Variants in LRRC20 observed in about 807,000 individuals in gnomAD.
LRRC20 encodes the protein leucine rich repeat containing 20, also known as leucine-rich repeat-containing protein 20.
A neutral mutation model predicts 14.4 loss-of-function variants in LRRC20; 11 were observed. That is an observed-to-expected ratio of 0.77 (90% CI 0.48 to 1.27). LRRC20 has a LOEUF of 1.27. Ranked by LOEUF, LRRC20 falls within the 50% of genes most tolerant of loss-of-function variation. The pLI, the probability that LRRC20 is intolerant of heterozygous loss-of-function variation, is 0.00. For missense variants in LRRC20, 219 were observed against 251.2 expected, an observed-to-expected ratio of 0.87 and a Z score of 0.87; for synonymous variants, 121 against 107.3, an observed-to-expected ratio of 1.13 and a Z score of -0.79.
At chr10:70,369,034 T>G (rs1391121554) in intron 2 of LRRC20, among the ~76,000 whole-genome samples, 2 of 152,228 alleles carry the variant, frequency 1.3e-5, no homozygotes, top group Non-Finnish European at 2.9e-5. Flanking sequence ...CATTTGCCCA[T>G]GAAAGCAGTC....
At chr10:70,353,890 G>T (rs1420220675) in intron 2 of LRRC20, among the ~76,000 whole-genome samples, 1 of 152,074 alleles carries the variant, frequency 6.6e-6, no homozygotes, top group African/African-American at 2.4e-5. Context: ...ATTTACAATG[G>T]GTTCCCTGGG....
intron 2 of LRRC20, among the ~76,000 whole-genome samples, chr10:70,367,045 C>T (rs1844025475): frequency 1.3e-5 from 2 of 152,100 alleles, no homozygotes; most frequent in South Asian, 4.1e-4. Flanking sequence ...ACTTTACTGA[C>T]CAGATGCCGT....
At chr10:70,303,460 A>G (rs1841292233) in intron 4 of LRRC20, among the ~76,000 whole-genome samples, 2 of 152,242 alleles carry the variant, frequency 1.3e-5, no homozygotes, top group African/African-American at 2.4e-5. Context: ...ATGCTGGATC[A>G]TCACTTAGAG....
intron 4 of LRRC20, among the ~76,000 whole-genome samples, chr10:70,319,767 G>C (rs1166652897): frequency 6.6e-6 from 1 of 152,154 alleles, no homozygotes; most frequent in Non-Finnish European, 1.5e-5. Context: ...AAAAATACAG[G>C]AACTATCTCA....
intron 3 of LRRC20, among the ~76,000 whole-genome samples, chr10:70,338,212 T>C (rs1842780467): frequency 6.6e-6 from 1 of 152,188 alleles, no homozygotes; most frequent in Non-Finnish European, 1.5e-5. Flanking sequence ...CTTGTCCTTC[T>C]GTTTGCATGG....
chr10:70,313,825 G>A lies in LRRC20; in HGVS notation c.400+10038C>T, dbSNP rs138598445. On this transcript the variant is annotated intron_variant, in intron 4 of 4. Coordinates refer to ENST00000446961, the MANE Select transcript of LRRC20 (RefSeq NM_001278212.2). ...TGTAAAACGTATGATTGGTGTTTGAGGTATCTTTCAGGTATCTTTCAGACT... is the reference window on the plus strand; with the variant it reads ...TGTAAAACGTATGATTGGTGTTTGAAGTATCTTTCAGGTATCTTTCAGACT... Among the ~76,000 whole-genome samples the A allele has an allele frequency of 6.6e-5, 10 of 152,270 alleles. No individual in the cohort carries two copies. In the East Asian group the frequency reaches 1.9e-3, roughly 29 times the overall value.
intron 3 of LRRC20, among the ~76,000 whole-genome samples, chr10:70,324,362 C>T (rs565307571): frequency 6.6e-6 from 1 of 152,328 alleles, no homozygotes; most frequent in South Asian, 2.1e-4. Context: ...GCCTCAACTC[C>T]GGGCCCTGAC....
At chr10:70,326,248 TATCCCTACAG>T (rs1842313786) in intron 3 of LRRC20, among the ~76,000 whole-genome samples, 1 of 150,510 alleles carries the variant, frequency 6.6e-6, no homozygotes, top group Non-Finnish European at 1.5e-5. Context: ...CCCTCCCAGG[TATCCCTACAG>T]TGAAAACTGA....
chr10:70,331,547 A>C (rs1010936173), intron 3 of LRRC20, among the ~76,000 whole-genome samples: 3 of 151,978 alleles, frequency 2.0e-5, no homozygotes, highest in African/African-American at 7.3e-5. Flanking sequence ...TTTGCTTCTC[A>C]CCTCTGGAGT....
chr10:70,379,309 T>G (rs770467345), intron 1 of LRRC20, among the ~76,000 whole-genome samples: 6 of 152,174 alleles, frequency 3.9e-5, no homozygotes, highest in Non-Finnish European at 5.9e-5. Context: ...ACCGTACCCC[T>G]AAGCCTAAAT....
At chr10:70,367,431 T>C (rs1844058020) in intron 2 of LRRC20, among the ~76,000 whole-genome samples, 1 of 152,060 alleles carries the variant, frequency 6.6e-6, no homozygotes, top group African/African-American at 2.4e-5. Flanking sequence ...TTCGTGATGT[T>C]AAAAAATGAA....
chr10:70,370,906 A>C (rs990334569), intron 2 of LRRC20, among the ~76,000 whole-genome samples: 2 of 151,928 alleles, frequency 1.3e-5, no homozygotes, highest in African/African-American at 4.8e-5. Context: ...TGTAGTCTCA[A>C]CTACTTGGAA....
At chr10:70,352,477 G>A (rs377362791) in intron 2 of LRRC20, among the ~76,000 whole-genome samples, 1 of 152,268 alleles carries the variant, frequency 6.6e-6, no homozygotes, top group Admixed American at 6.5e-5. Context: ...ATTCTCAGGC[G>A]GTGAAAGTGA....
At chr10:70,328,564 T>C (rs1317092429) in intron 3 of LRRC20, among the ~76,000 whole-genome samples, 2 of 152,350 alleles carry the variant, frequency 1.3e-5, no homozygotes, top group East Asian at 3.9e-4. Flanking sequence ...TCCAAAGTGC[T>C]AGGATTACAG....
At chr10:70,379,744 T>C (rs1346643500) in intron 1 of LRRC20, among the ~76,000 whole-genome samples, 2 of 152,140 alleles carry the variant, frequency 1.3e-5, no homozygotes, top group Admixed American at 1.3e-4. Flanking sequence ...AATCAGGCAC[T>C]ATGCCTGCAA....
chr10:70,375,981 G>A (rs1040225080), intron 2 of LRRC20, among the ~76,000 whole-genome samples: 6 of 151,994 alleles, frequency 3.9e-5, no homozygotes, highest in African/African-American at 1.2e-4. Flanking sequence ...AGTGTAAAGG[G>A]GTCTCCTAGC....
At chr10:70,349,167 G>C (rs1022754934) in intron 2 of LRRC20, among the ~76,000 whole-genome samples, 1 of 152,104 alleles carries the variant, frequency 6.6e-6, no homozygotes. Context: ...TAAAGAAAAG[G>C]CTCCTGGGTG....
At position 70,374,388 on chromosome 10, in the gene LRRC20, C is replaced by G. The variant is rs374003642; in HGVS notation, c.82+2064G>C. ...TTTTTGAGATGGAACCTTGCTCCATCACCCAAGCTGGAGGTGCAGTGGCGA... is the reference window on the plus strand; with the variant it reads ...TTTTTGAGATGGAACCTTGCTCCATGACCCAAGCTGGAGGTGCAGTGGCGA... On this transcript the variant is annotated intron_variant, in intron 2 of 4. Transcript: ENST00000446961. 6.2e-5 allele frequency among the ~76,000 whole-genome samples: 9 copies of G among 146,030 alleles called. 1 individual carries two copies. The East Asian group carries it at 1.6e-3, about 26-fold the overall frequency.
At chr10:70,318,340 C>T (rs1422312343) in intron 4 of LRRC20, among the ~76,000 whole-genome samples, 1 of 152,204 alleles carries the variant, frequency 6.6e-6, no homozygotes, top group Non-Finnish European at 1.5e-5. Context: ...GCTGCTGCTG[C>T]TGGTCCTGGG....
Sources: gnomAD v4.1 joint callset for allele counts (sites outside exome capture counted in the v4.1 genomes callset) on GRCh38, gnomAD v4.1.1 for gene constraint, MANE v1.5 for transcripts, NCBI Gene and HGNC (gene_info 2026-07-23, HGNC 2026-07-21) for gene names.